The following ASAH2 variants were observed in gnomAD, a reference collection of about 807,000 sequenced individuals.
ASAH2 encodes the protein N-acylsphingosine amidohydrolase 2, also known as neutral ceramidase.
In ASAH2, 58 loss-of-function variants were observed where a neutral mutation model predicts 82.9. The observed-to-expected ratio is 0.70, with a 90% CI of 0.57 to 0.87. The LOEUF is 0.87. ASAH2 is among the 40% of genes least tolerant of loss of function. The pLI, the probability that ASAH2 is intolerant of heterozygous loss-of-function variation, is 0.00. For synonymous variants in ASAH2, 276 were observed against 289.7 expected, an observed-to-expected ratio of 0.95 and a Z score of 0.48; for missense variants, 779 against 834.0, an observed-to-expected ratio of 0.93 and a Z score of 0.81.
chr10:50,213,676 G>T (rs1845521423), intron 9 of ASAH2, among the ~76,000 whole-genome samples: 1 of 152,038 alleles, frequency 6.6e-6, no homozygotes, highest in African/African-American at 2.4e-5. Flanking sequence ...AGTTAAACTG[G>T]ACAGGTAAAA....
At chr10:50,241,914 A>G (rs1010967246) in intron 4 of ASAH2, among the ~76,000 whole-genome samples, 7 of 152,182 alleles carry the variant, frequency 4.6e-5, no homozygotes, top group African/African-American at 1.7e-4. Context: ...GAGGGATAGC[A>G]TTAGGAGAAA....
intron 7 of ASAH2, among the ~76,000 whole-genome samples, chr10:50,221,698 G>GGATA (rs199560545): frequency 0.094 from 13,816 of 147,230 alleles, 662 homozygotes; most frequent in Middle Eastern, 0.13. Flanking sequence ...ATAGATGGAT[G>GGATA]GATAGATAGA....
chr10:50,203,657 G>A lies in ASAH2; in HGVS notation c.1648C>T (p.Arg550Ter), dbSNP rs1413048671. The A allele has an allele frequency of 5.6e-6, 9 of 1,612,208 alleles. No homozygotes were observed. The highest frequency in any genetic ancestry group is 2.2e-5 in the East Asian group (1 of 44,828). ...TAACTTACTGCTTGAACTGCCTCTC[G>A]AAGTCTTCGTCCAGACATGGTCCTG... ...EFTTMSGRRL[R>*]EAVQAEFASH... Residue 550 changes from arginine (R) to a stop codon, truncating the protein, a stop_gained, in exon 15 of 21, where the codon CGA (arginine) becomes TGA (stop). Coordinates refer to ENST00000682911, the MANE Select transcript of ASAH2 (RefSeq NM_019893.4). LOFTEE classifies it high-confidence loss of function.
At chr10:50,229,812 G>C (rs1845981038) in intron 7 of ASAH2, among the ~76,000 whole-genome samples, 1 of 152,074 alleles carries the variant, frequency 6.6e-6, no homozygotes, top group South Asian at 2.1e-4. Flanking sequence ...CTTCCTCAGG[G>C]AAACCTTTCC....
chr10:50,235,772 G>A lies in ASAH2; in HGVS notation c.687+116C>T, dbSNP rs1589352067. 15 of 1,121,464 alleles carry A rather than the reference G, an allele frequency of 1.3e-5. No individual in the cohort carries two copies. The East Asian group carries it at 3.5e-4, about 26-fold the overall frequency. The allele number at this position is 1,121,464 out of a possible 1,614,324, so 69.5% of individuals were successfully genotyped here. A position where few individuals can be genotyped will look rare whatever the true frequency, so the allele number is the denominator to read the frequency against. On this transcript the variant is annotated intron_variant, in intron 5 of 20. Transcript: ENST00000682911. ...TCAGGGAGGAGAAAGAATTGTACATGCTAATACTATGCTCAGACCCAAATC... is the reference window on the plus strand; with the variant it reads ...TCAGGGAGGAGAAAGAATTGTACATACTAATACTATGCTCAGACCCAAATC...
chr10:50,245,181 C>G (rs1297281241), intron 3 of ASAH2, 41 bp downstream of exon 3: 1 of 1,453,312 alleles, frequency 6.9e-7, no homozygotes, highest in Admixed American at 1.8e-5. Context: ...AATAAAATTA[C>G]TTGTTTCACA....
rs759360215 is a variant in ASAH2 at position 50,214,795 on chromosome 10, A to G, written c.1088T>C (p.Ile363Thr). 6.2e-7 allele frequency: 1 copy of G among 1,613,790 alleles called. No individual in the cohort carries two copies. Among genetic ancestry groups the G allele is most frequent in the Admixed American group, 1.7e-5 (1 of 60,012 alleles). ...GTTATCACAGGACTCTCCTGTGTTGATGCAACGTGGTCCAAGAATGTTGGG... is the reference window on the plus strand; with the variant it reads ...GTTATCACAGGACTCTCCTGTGTTGGTGCAACGTGGTCCAAGAATGTTGGG... ...VSPNILGPRC[I>T]NTGESCDNAN... The change falls in exon 9 of 21, where the codon ATC becomes ACC. Residue 363 changes from isoleucine to threonine, a missense_variant. Physicochemically the swap from Ile to Thr is moderately conservative, Grantham distance 89 (BLOSUM62 -1). This residue lies in a region of ASAH2 where 759 missense variants were observed against 755.2 expected (regional missense o/e 1.00). Transcript: ENST00000682911.
chr10:50,224,092 C>T (rs1845816900), intron 7 of ASAH2, among the ~76,000 whole-genome samples: 1 of 152,174 alleles, frequency 6.6e-6, no homozygotes, highest in Admixed American at 6.6e-5. Context: ...TATTGTGTTA[C>T]AGTAGCTGAA....
chr10:50,199,161 G>A lies in ASAH2; in HGVS notation c.1762-15C>T. On this transcript the variant is annotated splice_polypyrimidine_tract_variant and intron_variant, in intron 16 of 20. Transcript: ENST00000682911. ...TATCGCTGAGCCTGCAGGAAAGGCAGGGAGAGTTGTATATGGTTCTGCTTA... is the reference window on the plus strand; with the variant it reads ...TATCGCTGAGCCTGCAGGAAAGGCAAGGAGAGTTGTATATGGTTCTGCTTA... 1 of 1,612,876 alleles carries A rather than the reference G, an allele frequency of 6.2e-7. No homozygotes were observed. The highest frequency in any genetic ancestry group is 8.5e-7 in the Non-Finnish European group (1 of 1,179,104).
Position 50,235,928 on chromosome 10 carries a change from C to T in ASAH2, c.647G>A (p.Ser216Asn), listed in dbSNP as rs1467086894. The change falls in exon 5 of 21, where the codon AGC (serine) becomes AAC (asparagine). Residue 216 changes from serine to asparagine, a missense_variant. Physicochemically the swap from Ser to Asn is conservative, Grantham distance 46. Coordinates refer to ENST00000682911, the MANE Select transcript of ASAH2 (RefSeq NM_019893.4). ...TVFVIASEGF[S>N]NQTFQHMVTG... ...GACCATGTGCTGAAAAGTTTGATTG[C>T]TAAATCCTTCACTGGCAATTACAAA... is the stretch of plus-strand genomic sequence containing the variant. 26 of 1,613,250 alleles carry T rather than the reference C, an allele frequency of 1.6e-5. No individual in the cohort carries two copies. In the Middle Eastern group the frequency reaches 4.9e-4, roughly 31 times the overall value.
At chr10:50,208,672 G>A (rs1845374612) in intron 12 of ASAH2, among the ~76,000 whole-genome samples, 1 of 151,982 alleles carries the variant, frequency 6.6e-6, no homozygotes, top group South Asian at 2.1e-4. Context: ...GGGTCTAAAT[G>A]AATCCTAAAA....
rs1250546796 is a variant in ASAH2 at position 50,211,010 on chromosome 10, T to C, written c.1332+20A>G. 1 of 1,605,906 alleles carries C rather than the reference T, an allele frequency of 6.2e-7. No individual in the cohort carries two copies. The highest frequency in any genetic ancestry group is 1.3e-5 in the African/African-American group (1 of 74,866). On this transcript the variant is annotated intron_variant, in intron 11 of 20. Transcript: ENST00000682911. ...AACTTCACCCTTGGGGCATAACCAG[T>C]GTGTCTCAGCAGCACTTACTGCATG...
chr10:50,225,810 G>A (rs1206725063), intron 7 of ASAH2, among the ~76,000 whole-genome samples: 1 of 152,158 alleles, frequency 6.6e-6, no homozygotes, highest in Admixed American at 6.5e-5. Flanking sequence ...CTTATCATAG[G>A]CCGGATGTGG....
At chr10:50,219,646 C>A (rs1845692565) in intron 7 of ASAH2, among the ~76,000 whole-genome samples, 1 of 152,266 alleles carries the variant, frequency 6.6e-6, no homozygotes, top group African/African-American at 2.4e-5. Context: ...GCTTACATTC[C>A]TACCTAAGCA....
At chr10:50,233,475 C>T (rs1050907231) in intron 6 of ASAH2, among the ~76,000 whole-genome samples, 96 of 152,090 alleles carry the variant, frequency 6.3e-4, no homozygotes, top group African/African-American at 2.3e-3. Flanking sequence ...CTAGGTCAAG[C>T]GACTGGAGCT....
chr10:50,239,740 C>T (rs1212433232), intron 4 of ASAH2, among the ~76,000 whole-genome samples: 5 of 147,322 alleles, frequency 3.4e-5, no homozygotes, highest in Non-Finnish European at 7.5e-5. Context: ...TTAATCCATA[C>T]AAGGCACTGA....
At chr10:50,193,415 A>ATAGC (rs1282310909) in intron 18 of ASAH2, among the ~76,000 whole-genome samples, 1 of 148,046 alleles carries the variant, frequency 6.8e-6, no homozygotes, top group Admixed American at 6.8e-5. Flanking sequence ...CATAGAGAGG[A>ATAGC]TAGCTGCACA....
chr10:50,249,584 A>G (rs1023726917), intron 1 of ASAH2, among the ~76,000 whole-genome samples: 1 of 152,220 alleles, frequency 6.6e-6, no homozygotes, highest in African/African-American at 2.4e-5. Context: ...CCATCTATAA[A>G]TAGGAATATG....
chr10:50,206,776 AACCC>A (rs1297314719), intron 12 of ASAH2, among the ~76,000 whole-genome samples: 4 of 151,870 alleles, frequency 2.6e-5, no homozygotes, highest in Non-Finnish European at 5.9e-5. Flanking sequence ...AATTTTCAAT[AACCC>A]ACTCTCAATC....
Sources: allele counts gnomAD v4.1 joint callset (sites outside exome capture counted in the v4.1 genomes callset), GRCh38; gene constraint gnomAD v4.1.1; regional missense constraint gnomAD v4.1.1; transcripts MANE v1.5; gene names NCBI Gene and HGNC (gene_info 2026-07-23, HGNC 2026-07-21).